STAU1: variants seen among roughly 807,000 people sequenced by gnomAD.
STAU1 encodes double-stranded RNA-binding protein Staufen homolog 1.
Under a neutral mutation model 62.9 loss-of-function variants are expected in STAU1, and 13 were observed. That is an observed-to-expected ratio of 0.21 (90% confidence interval 0.13 to 0.33). STAU1 has a LOEUF of 0.33. Ranked by LOEUF, STAU1 falls within the 10% of genes least tolerant of loss-of-function variation. STAU1 has a pLI of 1.00. For missense variants in STAU1, 571 were observed against 712.1 expected (o/e 0.80, Z 2.25); for synonymous variants, 269 against 265.1 (o/e 1.01, Z -0.14).
At chr20:49,200,508 G>A in the STAU1 span, among the ~76,000 whole-genome samples, 9 of 152,038 alleles carry the variant, frequency 5.9e-5, no homozygotes, top group Non-Finnish European at 8.8e-5. Context: ...GGCTGAGGCA[G>A]GAGAATGGCA....
intron 2 of STAU1, among the ~76,000 whole-genome samples, chr20:49,172,600 A>C (rs1316978205): frequency 6.6e-6 from 1 of 152,108 alleles, no homozygotes; most frequent in African/African-American, 2.4e-5. Context: ...TGTGCCATCT[A>C]CCTAGAAACA....
the STAU1 span, among the ~76,000 whole-genome samples, chr20:49,202,154 A>T: frequency 6.7e-6 from 1 of 149,150 alleles, no homozygotes; most frequent in African/African-American, 2.5e-5. Flanking sequence ...CGGGAGGCGG[A>T]GCTTGCAGTG....
the STAU1 span, among the ~76,000 whole-genome samples, chr20:49,215,507 T>C: frequency 2.0e-5 from 3 of 152,140 alleles, no homozygotes; most frequent in Admixed American, 2.0e-4. Flanking sequence ...TCTTGAGTGT[T>C]GGGGAGAAAA....
Position 49,135,854 on chromosome 20 carries a change from C to T in STAU1, c.588G>A (p.Arg196=). 1 of 1,613,526 alleles carries T rather than the reference C, an allele frequency of 6.2e-7. No homozygotes were observed. The highest frequency in any genetic ancestry group is 2.2e-5 in the East Asian group (1 of 44,866). ...TTACCTCGAAATTCACAGGCAAGTT[C>T]CGTTTAAGTGCAATCTCAAACACTT... ...ISQVFEIALK[R]NLPVNFEVAR... The change falls in exon 6 of 14, where the codon CGG becomes CGA. Residue 196 remains arginine, a synonymous_variant. Coordinates refer to ENST00000371856, the MANE Select transcript of STAU1 (RefSeq NM_017453.4).
At chr20:49,164,394 G>C (rs1374731585) in intron 3 of STAU1, among the ~76,000 whole-genome samples, 2 of 151,794 alleles carry the variant, frequency 1.3e-5, no homozygotes, top group Non-Finnish European at 2.9e-5. Context: ...TCGACCTCCT[G>C]GACTCAAGTG....
At chr20:49,130,932 C>T (rs181735439) in intron 6 of STAU1, among the ~76,000 whole-genome samples, 9 of 150,674 alleles carry the variant, frequency 6.0e-5, no homozygotes, top group East Asian at 1.9e-4. Context: ...AGCGAGACTC[C>T]GTCTCAAAAA....
At chr20:49,141,058 A>G (rs1470822200) in intron 5 of STAU1, among the ~76,000 whole-genome samples, 1 of 152,064 alleles carries the variant, frequency 6.6e-6, no homozygotes, top group Admixed American at 6.6e-5. Flanking sequence ...CCAGAACACA[A>G]CTTGGAAATA....
chr20:49,175,927 T>G (rs1330440026), intron 1 of STAU1, among the ~76,000 whole-genome samples: 1 of 151,762 alleles, frequency 6.6e-6, no homozygotes, highest in Non-Finnish European at 1.5e-5. Context: ...CCCAAGTAGC[T>G]GGGACTACAG....
At chr20:49,208,488 C>A in the STAU1 span, among the ~76,000 whole-genome samples, 1 of 152,050 alleles carries the variant, frequency 6.6e-6, no homozygotes, top group South Asian at 2.1e-4. Flanking sequence ...CAGGCGTGAG[C>A]CACCATGCCT....
At chr20:49,200,037 A>T in the STAU1 span, among the ~76,000 whole-genome samples, 1 of 152,192 alleles carries the variant, frequency 6.6e-6, no homozygotes, top group Non-Finnish European at 1.5e-5. Flanking sequence ...GCTGATGGGA[A>T]TGCAAAATGG....
rs541378992 is a variant in STAU1, at chr20:49,127,341, C to T, written c.610-2754G>A. On this transcript the variant is annotated intron_variant, in intron 6 of 13. Transcript: ENST00000371856. ...TGCACTCCAGCCTGGACAACAAGAG[C>T]GAAACACCATCTCAAAAATAAATAA... Among the ~76,000 whole-genome samples, 7 of 151,002 alleles carry T rather than the reference C, an allele frequency of 4.6e-5. No homozygotes were observed. In the East Asian group the frequency reaches 7.9e-4, roughly 17 times the overall value.
chr20:49,130,766 G>C (rs554826838), intron 6 of STAU1, among the ~76,000 whole-genome samples: 125 of 152,224 alleles, frequency 8.2e-4, no homozygotes, highest in Non-Finnish European at 1.6e-3. Flanking sequence ...GGGTGGGTGT[G>C]GTGGCTCACG....
chr20:49,140,651 T>G (rs1028098112), intron 5 of STAU1, among the ~76,000 whole-genome samples: 1 of 151,306 alleles, frequency 6.6e-6, no homozygotes, highest in Admixed American at 6.6e-5. Flanking sequence ...AGCAAGGGAG[T>G]GGGGAGTAAC....
At chr20:49,144,049 T>C (rs775209063) in intron 5 of STAU1, among the ~76,000 whole-genome samples, 4 of 152,206 alleles carry the variant, frequency 2.6e-5, no homozygotes, top group Non-Finnish European at 5.9e-5. Context: ...ATAATTCTGT[T>C]GAAGAGAAAG....
chr20:49,175,877 C>T (rs2093654459), intron 1 of STAU1, among the ~76,000 whole-genome samples: 1 of 149,228 alleles, frequency 6.7e-6, no homozygotes, highest in African/African-American at 2.5e-5. Context: ...TCACTGCAAG[C>T]TCCGCCTCCA....
At chr20:49,195,075 T>C in the STAU1 span, among the ~76,000 whole-genome samples, 16 of 152,094 alleles carry the variant, frequency 1.1e-4, no homozygotes, top group South Asian at 2.1e-4. Flanking sequence ...AAGGAAAAGA[T>C]CAATTCATTG....
At chr20:49,153,883 G>T in intron 4 of STAU1, 50 bp downstream of exon 4, 1 of 1,497,722 alleles carries the variant, frequency 6.7e-7, no homozygotes, top group South Asian at 1.3e-5. Flanking sequence ...TAAAAGATCA[G>T]ACACGTTTTC....
At chr20:49,124,693 G>T in intron 6 of STAU1, 106 bp from the exon 7 acceptor site, 1 of 1,114,136 alleles carries the variant, frequency 9.0e-7, no homozygotes, top group Non-Finnish European at 1.3e-6. Context: ...GGGAACCAAG[G>T]ACAAGACCTA....
upstream of STAU1, among the ~76,000 whole-genome samples, chr20:49,190,437 C>A (rs1333177080): frequency 6.6e-6 from 1 of 152,166 alleles, no homozygotes; most frequent in East Asian, 1.9e-4. Flanking sequence ...GCATGTGCCA[C>A]CACTCCCAGC....
Sources: allele counts gnomAD v4.1 joint callset (sites outside exome capture counted in the v4.1 genomes callset), GRCh38; gene constraint gnomAD v4.1.1; transcripts MANE v1.5; gene names NCBI Gene and HGNC (gene_info 2026-07-23, HGNC 2026-07-21).